Variants in SELENOT observed in about 807,000 individuals in gnomAD.
SELENOT encodes selenoprotein T.
A neutral mutation model predicts 24.3 loss-of-function variants in SELENOT; 9 were observed. The ratio of observed to expected loss-of-function variants is 0.37; its 90% confidence interval spans 0.22 to 0.65. SELENOT has a LOEUF of 0.65. Ranked by LOEUF, SELENOT falls within the 30% of genes least tolerant of loss-of-function variation. The pLI, the probability that SELENOT is intolerant of heterozygous loss-of-function variation, is 0.60. For missense variants in SELENOT, 166 were observed against 247.6 expected (o/e 0.67, Z 2.21); for synonymous variants, 81 against 86.0 (o/e 0.94, Z 0.32).
At chr3:150,619,080 G>A (rs1195478171) in intron 1 of SELENOT, among the ~76,000 whole-genome samples, 1 of 152,176 alleles carries the variant, frequency 6.6e-6, no homozygotes, top group African/African-American at 2.4e-5. Flanking sequence ...TCTTAGCCGG[G>A]TGTGGTGGTG....
At chr3:150,620,934 T>C (rs887821495) in intron 1 of SELENOT, among the ~76,000 whole-genome samples, 1 of 152,228 alleles carries the variant, frequency 6.6e-6, no homozygotes, top group Non-Finnish European at 1.5e-5. Context: ...TGTGGCAGAA[T>C]ATTAATATGT....
At chr3:150,621,387 T>A (rs1726341247) in intron 1 of SELENOT, among the ~76,000 whole-genome samples, 1 of 151,378 alleles carries the variant, frequency 6.6e-6, no homozygotes, top group Admixed American at 6.6e-5. Flanking sequence ...TGGTTATCAT[T>A]TTTTTTTTCC....
intron 2 of SELENOT, 89 bp downstream of exon 2, chr3:150,622,584 T>C: frequency 1.9e-6 from 1 of 519,982 alleles, no homozygotes; most frequent in Non-Finnish European, 3.3e-6. Flanking sequence ...CCTTAGTTAT[T>C]GTAATTACTT....
rs937476454 is a variant in SELENOT, at chr3:150,622,321, C to T, written c.138-64C>T. 5 of 742,880 alleles carry T rather than the reference C, an allele frequency of 6.7e-6. No homozygotes were observed. The African/African-American group carries it at 9.2e-5, about 14-fold the overall frequency. 46.0% of individuals were successfully genotyped at this position (742,880 alleles called of 1,614,324 possible). On this transcript the variant is annotated intron_variant, in intron 1 of 5. Transcript: ENST00000471696. ...AATCTTGATAATTTTTAGGCTTTAACTAACTACAAAATAAATCTAGATGTA... is the reference window on the plus strand; with the variant it reads ...AATCTTGATAATTTTTAGGCTTTAATTAACTACAAAATAAATCTAGATGTA...
intron 4 of SELENOT, among the ~76,000 whole-genome samples, chr3:150,626,327 G>T (rs1200982449): frequency 1.3e-5 from 2 of 152,106 alleles, no homozygotes; most frequent in South Asian, 4.1e-4. Context: ...GCAAGCTGTG[G>T]TCCTATGGAC....
chr3:150,611,508 T>G (rs1726091321), intron 1 of SELENOT: 1 of 1,097,084 alleles, frequency 9.1e-7, no homozygotes, highest in African/African-American at 1.5e-5. Flanking sequence ...CTTGAACAGG[T>G]GAATCACCTC....
At chr3:150,626,821 T>C in intron 4 of SELENOT, 189 bp from the exon 5 acceptor site, 1 of 552,644 alleles carries the variant, frequency 1.8e-6, no homozygotes, top group South Asian at 2.9e-5. Flanking sequence ...ATTGTAATTT[T>C]GTAGCCATTT....
chr3:150,603,512 A>T lies in SELENOT; in HGVS notation c.137+13A>T, dbSNP rs1322551699. ...AGTTCCAGATTTGGTGAGTATGTGC[A>T]CTGGGCCCCGGCCACCCCGCCGCGC... On this transcript the variant is annotated intron_variant, in intron 1 of 5. Transcript: ENST00000471696. 8 of 1,573,050 alleles carry T rather than the reference A, an allele frequency of 5.1e-6. No individual in the cohort carries two copies. Among genetic ancestry groups the T allele is most frequent in the Non-Finnish European group, 6.1e-6 (7 of 1,151,890 alleles).
intron 3 of SELENOT, among the ~76,000 whole-genome samples, chr3:150,623,979 G>C (rs1359430591): frequency 6.6e-6 from 1 of 152,000 alleles, no homozygotes; most frequent in African/African-American, 2.4e-5. Context: ...CTCCTGCATA[G>C]CTGTGCTTCT....
In SELENOT at chr3:150,603,519, C is replaced by T; in HGVS notation, c.137+20C>T. 6.4e-7 allele frequency: 1 copy of T among 1,559,726 alleles called. No homozygotes were observed. Among genetic ancestry groups the T allele is most frequent in the Non-Finnish European group, 8.7e-7 (1 of 1,145,110 alleles). ...GATTTGGTGAGTATGTGCACTGGGC[C>T]CCGGCCACCCCGCCGCGCCTCTGCT... On this transcript the variant is annotated intron_variant, in intron 1 of 5. Transcript: ENST00000471696.
chr3:150,626,880 G>A, intron 4 of SELENOT, 130 bp from the exon 5 acceptor site: 1 of 802,458 alleles, frequency 1.2e-6, no homozygotes, highest in African/African-American at 1.7e-5. Context: ...GTCCCTGAGA[G>A]CAAGCAGTGT....
intron 1 of SELENOT, chr3:150,614,450 G>A (rs2108009023): frequency 1.3e-5 from 2 of 153,762 alleles, no homozygotes; most frequent in Middle Eastern, 6.5e-4. Context: ...GAAGGCAATA[G>A]TGTAGAATTT....
intron 2 of SELENOT, among the ~76,000 whole-genome samples, 199 bp from the exon 3 acceptor site, chr3:150,622,844 T>C (rs1726370753): frequency 6.6e-6 from 1 of 152,210 alleles, no homozygotes; most frequent in South Asian, 2.1e-4. Context: ...TGTATAAATT[T>C]GTAGGTTAAT....
Position 150,603,331 on chromosome 3 carries a change from T to C in SELENOT, c.-32T>C. 1 of 1,603,496 alleles carries C rather than the reference T, an allele frequency of 6.2e-7. No homozygotes were observed. Among genetic ancestry groups the C allele is most frequent in the Non-Finnish European group, 8.5e-7 (1 of 1,172,500 alleles). ...GGCTTTGGGCTGGCTGCAGTCTGTC[T>C]GAGGGCGGCCGAAGTGGCTGGCTCA... On this transcript the variant is annotated 5_prime_UTR_variant, in exon 1 of 6. Transcript: ENST00000471696.
chr3:150,617,611 C>T (rs1415241852), intron 1 of SELENOT, among the ~76,000 whole-genome samples: 3 of 152,090 alleles, frequency 2.0e-5, no homozygotes, highest in South Asian at 4.1e-4. Context: ...GGACCCTCCA[C>T]GTCTTAGAAG....
chr3:150,609,731 G>A (rs893805286), intron 1 of SELENOT, among the ~76,000 whole-genome samples: 1 of 152,210 alleles, frequency 6.6e-6, no homozygotes, highest in Non-Finnish European at 1.5e-5. Context: ...TTACTTCACT[G>A]AAGTTGACCA....
intron 1 of SELENOT, among the ~76,000 whole-genome samples, chr3:150,610,767 T>C (rs1305014001): frequency 1.3e-5 from 2 of 152,218 alleles, no homozygotes; most frequent in African/African-American, 4.8e-5. Context: ...CTGTTAACAT[T>C]TTTCTAATAA....
At chr3:150,604,795 G>A (rs538755993) in intron 1 of SELENOT, among the ~76,000 whole-genome samples, 16 of 152,162 alleles carry the variant, frequency 1.1e-4, no homozygotes, top group Non-Finnish European at 2.4e-4. Context: ...CCAGCACTTT[G>A]GAGGCCGAGG....
At chr3:150,609,920 A>T (rs952447173) in intron 1 of SELENOT, among the ~76,000 whole-genome samples, 1 of 152,184 alleles carries the variant, frequency 6.6e-6, no homozygotes, top group African/African-American at 2.4e-5. Context: ...AGTGTTTGGT[A>T]TGATTTATTT....
Sources: gnomAD v4.1 joint callset for allele counts (sites outside exome capture counted in the v4.1 genomes callset) on GRCh38, gnomAD v4.1.1 for gene constraint, MANE v1.5 for transcripts, NCBI Gene and HGNC (gene_info 2026-07-23, HGNC 2026-07-21) for gene names.